The following ADAMTSL1 variants were observed in gnomAD, a reference collection of about 807,000 sequenced individuals.
ADAMTSL1 encodes the protein ADAMTS-like protein 1.
ADAMTSL1 carries 126 observed loss-of-function variants against 201.8 expected under a neutral mutation model. That is an observed-to-expected ratio of 0.62 (90% CI 0.54 to 0.72). The LOEUF (loss-of-function observed/expected upper bound fraction) is 0.72. Ranked by LOEUF, ADAMTSL1 falls within the 30% of genes least tolerant of loss-of-function variation. The pLI is 0.00. For missense variants in ADAMTSL1, 2,679 were observed against 2,277.8 expected (o/e 1.18, Z -3.59); for synonymous variants, 1,121 against 903.4 (o/e 1.24, Z -4.32).
rs137886160 is a variant in ADAMTSL1 at position 18,805,644 on chromosome 9, G to A, written c.3805+10120G>A. The stretch of plus-strand genomic sequence containing the variant: ...AGCTATACTATGCAGAGATGAGCTC[G>A]GGACACCTAACCTGTAGACAGCCCT... On this transcript the variant is annotated intron_variant, in intron 20 of 28. Coordinates refer to ENST00000380548, the MANE Select transcript of ADAMTSL1 (RefSeq NM_001040272.6). 1.2e-3 allele frequency among the ~76,000 whole-genome samples: 184 copies of A among 152,262 alleles called. 1 individual carries two copies. The highest frequency in any genetic ancestry group is 3.7e-3 in the African/African-American group (153 of 41,542).
At chr9:18,826,921 T>G (rs530450969) in intron 22 of ADAMTSL1, among the ~76,000 whole-genome samples, 19 of 152,294 alleles carry the variant, frequency 1.2e-4, no homozygotes, top group Admixed American at 8.5e-4. Flanking sequence ...AAGCTTATGG[T>G]CTGGTCCATC....
chr9:18,169,299 T>C (rs1302659723), intron 2 of ADAMTSL1, among the ~76,000 whole-genome samples: 2 of 151,926 alleles, frequency 1.3e-5, no homozygotes, highest in Non-Finnish European at 1.5e-5. Flanking sequence ...AATTGATTTT[T>C]GTATAAGGTG....
chr9:18,331,654 A>G (rs1835032904), intron 2 of ADAMTSL1, among the ~76,000 whole-genome samples: 1 of 152,150 alleles, frequency 6.6e-6, no homozygotes, highest in Non-Finnish European at 1.5e-5. Flanking sequence ...AAAAACAAAA[A>G]CAAAAACAAT....
At chr9:17,909,452 T>A (rs1281125751) in intron 1 of ADAMTSL1, among the ~76,000 whole-genome samples, 1 of 132,216 alleles carries the variant, frequency 7.6e-6, no homozygotes. Flanking sequence ...TTTATGGTTT[T>A]AGGTCTAACG....
At chr9:18,278,056 T>C (rs1003113703) in intron 2 of ADAMTSL1, among the ~76,000 whole-genome samples, 1 of 152,200 alleles carries the variant, frequency 6.6e-6, no homozygotes, top group African/African-American at 2.4e-5. Flanking sequence ...ACTTTAATTA[T>C]TCTTCCCCTA....
intron 14 of ADAMTSL1, among the ~76,000 whole-genome samples, chr9:18,717,654 A>T (rs1287880935): frequency 6.6e-6 from 1 of 152,212 alleles, no homozygotes; most frequent in Non-Finnish European, 1.5e-5. Flanking sequence ...TGAGGGTTAG[A>T]GTATACAGTA....
chr9:18,018,600 A>G (rs149363523), intron 1 of ADAMTSL1, among the ~76,000 whole-genome samples: 2,426 of 152,144 alleles, frequency 0.016, 39 homozygotes, highest in Non-Finnish European at 0.022. Context: ...ATGCCCGTGT[A>G]TTAAGAAAGG....
At chr9:18,359,627 G>T (rs767829149) in intron 2 of ADAMTSL1, among the ~76,000 whole-genome samples, 1 of 152,138 alleles carries the variant, frequency 6.6e-6, no homozygotes, top group Non-Finnish European at 1.5e-5. Flanking sequence ...TTAAGGAAAT[G>T]ACTGCTTTCT....
intron 15 of ADAMTSL1, among the ~76,000 whole-genome samples, chr9:18,731,092 T>G (rs114036297): frequency 1.6e-4 from 25 of 152,250 alleles, no homozygotes; most frequent in African/African-American, 5.5e-4. Context: ...TTTTTCCCAA[T>G]GGGGGAATCT....
At chr9:18,587,218 A>T (rs1279968568) in intron 4 of ADAMTSL1, among the ~76,000 whole-genome samples, 1 of 152,210 alleles carries the variant, frequency 6.6e-6, no homozygotes, top group Non-Finnish European at 1.5e-5. Flanking sequence ...AACGTCTATT[A>T]TCCAGCATGT....
intron 26 of ADAMTSL1, among the ~76,000 whole-genome samples, chr9:18,895,288 T>TAGAC (rs1334355508): frequency 6.6e-6 from 1 of 152,156 alleles, no homozygotes; most frequent in African/African-American, 2.4e-5. Context: ...AAAAAACAAC[T>TAGAC]AGACACTGGC....
At chr9:18,824,932 G>A (rs953612100) in intron 21 of ADAMTSL1, among the ~76,000 whole-genome samples, 2 of 152,052 alleles carry the variant, frequency 1.3e-5, no homozygotes, top group African/African-American at 4.8e-5. Flanking sequence ...TCCTGACCTT[G>A]TGATCTGTCT....
At chr9:18,675,017 T>C (rs1158196605) in intron 9 of ADAMTSL1, among the ~76,000 whole-genome samples, 1 of 151,478 alleles carries the variant, frequency 6.6e-6, no homozygotes, top group Non-Finnish European at 1.5e-5. Context: ...ATTGGCATCC[T>C]AAAGGCCTCC....
At chr9:18,626,990 T>C (rs551540200) in intron 5 of ADAMTSL1, among the ~76,000 whole-genome samples, 6 of 151,756 alleles carry the variant, frequency 4.0e-5, no homozygotes, top group Non-Finnish European at 8.8e-5. Flanking sequence ...TTTTTTCTTT[T>C]ATTGAAACAG....
At chr9:18,626,878 C>CTTTCTTTCTGTCTTT (rs1461320087) in intron 5 of ADAMTSL1, among the ~76,000 whole-genome samples, 59 of 90,052 alleles carry the variant, frequency 6.6e-4, no homozygotes, top group African/African-American at 2.8e-3. Context: ...TGTCTTTCTT[C>CTTTCTTTCTGTCTTT]CTTCCTTCCT....
intron 2 of ADAMTSL1, among the ~76,000 whole-genome samples, chr9:18,406,484 T>C (rs765390009): frequency 3.3e-5 from 5 of 151,846 alleles, no homozygotes; most frequent in Non-Finnish European, 7.4e-5. Flanking sequence ...ACACGTCACA[T>C]TGCCCGGCTA....
chr9:17,906,975 C>A (rs1376514705), intron 1 of ADAMTSL1: 2 of 152,386 alleles, frequency 1.3e-5, no homozygotes, highest in African/African-American at 4.8e-5. Context: ...CTTCTAAAGC[C>A]TGTGCTACAG....
chr9:18,045,740 G>C (rs994315861), intron 1 of ADAMTSL1, among the ~76,000 whole-genome samples: 1 of 151,762 alleles, frequency 6.6e-6, no homozygotes, highest in Non-Finnish European at 1.5e-5. Context: ...AAAAAGCCTT[G>C]AGTTGTTTTC....
chr9:18,019,434 C>G (rs1405810019), intron 1 of ADAMTSL1, among the ~76,000 whole-genome samples: 1 of 152,026 alleles, frequency 6.6e-6, no homozygotes, highest in East Asian at 1.9e-4. Flanking sequence ...AAGAGTGTGA[C>G]CGGACCTTTG....
Sources: allele counts gnomAD v4.1 joint callset (sites outside exome capture counted in the v4.1 genomes callset), GRCh38; gene constraint gnomAD v4.1.1; transcripts MANE v1.5; gene names NCBI Gene and HGNC (gene_info 2026-07-23, HGNC 2026-07-21).